The following CACNA2D4 variants were observed in gnomAD, a reference collection of about 807,000 sequenced individuals.
CACNA2D4 encodes the protein calcium voltage-gated channel auxiliary subunit alpha2delta 4.
CACNA2D4 carries 157 observed loss-of-function variants against 163.8 expected under a neutral mutation model. That is an observed-to-expected ratio of 0.96 (90% CI 0.84 to 1.09). CACNA2D4 has a LOEUF of 1.09. Ranked by LOEUF, CACNA2D4 falls within the 50% of genes least tolerant of loss-of-function variation. The probability of loss-of-function intolerance (pLI) is 0.00; values close to 1 mark genes in which losing one functional copy is unlikely to be tolerated. For synonymous variants in CACNA2D4, 598 were observed against 586.9 expected (o/e 1.02, Z -0.27); for missense variants, 1,410 against 1,479.9 (o/e 0.95, Z 0.78).
chr12:1,887,055 G>A lies in CACNA2D4; in HGVS notation c.796C>T (p.Pro266Ser). Residue 266 changes from proline (P) to serine (S), a missense_variant, in exon 7 of 38, where the codon CCT (proline) becomes TCT (serine). Physicochemically the swap from Pro to Ser is moderately conservative, Grantham distance 74. Transcript: ENST00000382722. Reference protein sequence around the residue: ...FRIYPGIKWTPDENGVITFDC... With the variant: ...FRIYPGIKWTSDENGVITFDC... Reference sequence around the variant, plus strand: ...AAAGTAATGACTCCATTCTCATCAGGTGTCCATTTTATACCTGGGAGAATA... The same window carrying A: ...AAAGTAATGACTCCATTCTCATCAGATGTCCATTTTATACCTGGGAGAATA... 1 of 1,590,642 alleles carries A rather than the reference G, an allele frequency of 6.3e-7. No homozygotes were observed. Among genetic ancestry groups the A allele is most frequent in the Non-Finnish European group, 8.6e-7 (1 of 1,166,138 alleles).
At chr12:1,904,073 A>T (rs1353158572) in intron 6 of CACNA2D4, among the ~76,000 whole-genome samples, 1 of 152,116 alleles carries the variant, frequency 6.6e-6, no homozygotes, top group Non-Finnish European at 1.5e-5. Context: ...CATTTGCAAC[A>T]ACATGAATGG....
intron 18 of CACNA2D4, among the ~76,000 whole-genome samples, chr12:1,871,077 G>T (rs1303078738): frequency 6.6e-6 from 1 of 151,704 alleles, no homozygotes; most frequent in Non-Finnish European, 1.5e-5. Context: ...GTGTACGCAC[G>T]TGTTGCTGGT....
chr12:1,840,628 G>T, intron 26 of CACNA2D4, 111 bp downstream of exon 26: 1 of 803,762 alleles, frequency 1.2e-6, no homozygotes. Context: ...ACATTCCACC[G>T]GCAGGACTGT....
chr12:1,918,643 G>C lies in CACNA2D4; in HGVS notation c.-170C>G. 5.2e-6 allele frequency: 3 copies of C among 578,990 alleles called. No individual in the cohort carries two copies. The highest frequency in any genetic ancestry group is 4.4e-5 in the South Asian group (2 of 45,968). The allele number at this position is 578,990 out of a possible 1,614,324, so 35.9% of individuals were successfully genotyped here. A position where few individuals can be genotyped will look rare whatever the true frequency, so the allele number is the denominator to read the frequency against. On this transcript the variant is annotated 5_prime_UTR_variant, in exon 1 of 38. Transcript: ENST00000382722. ...CCCCACCTAGCAAGCAGGCCTCGGA[G>C]ACAGGGACTGGGGGAGAGGCTGTGG...
At chr12:1,816,918 C>T (rs113316351) in intron 26 of CACNA2D4, among the ~76,000 whole-genome samples, 5,745 of 152,288 alleles carry the variant, frequency 0.038, 358 homozygotes, top group African/African-American at 0.13. Context: ...TGCACACATA[C>T]GTACACACAC....
At chr12:1,872,404 C>T (rs1188183979) in intron 18 of CACNA2D4, among the ~76,000 whole-genome samples, 1 of 152,176 alleles carries the variant, frequency 6.6e-6, no homozygotes, top group Non-Finnish European at 1.5e-5. Flanking sequence ...GAAAACAACA[C>T]GGCAGGCGGT....
intron 22 of CACNA2D4, among the ~76,000 whole-genome samples, chr12:1,855,797 A>C (rs2154448350): frequency 6.6e-6 from 1 of 152,318 alleles, no homozygotes; most frequent in South Asian, 2.1e-4. Flanking sequence ...ACATGTTACC[A>C]CAGTTCCAAG....
intron 23 of CACNA2D4, among the ~76,000 whole-genome samples, chr12:1,852,109 T>C (rs2154448196): frequency 6.6e-6 from 1 of 152,340 alleles, no homozygotes; most frequent in African/African-American, 2.4e-5. Flanking sequence ...TCTCATTGGG[T>C]ATAGTAATTT....
chr12:1,912,131 G>A (rs1866840265), intron 3 of CACNA2D4, among the ~76,000 whole-genome samples: 2 of 152,206 alleles, frequency 1.3e-5, no homozygotes, highest in Admixed American at 6.5e-5. Context: ...GCCGCAGCTC[G>A]CCTGCCCTAT....
In CACNA2D4 at chr12:1,858,600, A is replaced by G. The variant is rs777094765; in HGVS notation, c.1985T>C (p.Leu662Pro). 6.2e-7 allele frequency: 1 copy of G among 1,613,310 alleles called. No individual in the cohort carries two copies. The highest frequency in any genetic ancestry group is 8.5e-7 in the Non-Finnish European group (1 of 1,179,552). The stretch of plus-strand genomic sequence containing the variant: ...ACCTTCTTCCACAGACGTGTTCCCC[A>G]GAAGGATGTATTCTCCGTGGCCCCG... The part of the protein sequence containing the change: ...LSRGHGEYIL[L>P]GNTSVEEGLH... Residue 662 changes from leucine to proline, a missense_variant, in exon 20 of 38, where the codon CTG (leucine) becomes CCG (proline). Transcript: ENST00000382722.
intron 23 of CACNA2D4, 84 bp from the exon 24 acceptor site, chr12:1,846,773 C>A (rs1349902837): frequency 9.0e-7 from 1 of 1,115,828 alleles, no homozygotes; most frequent in South Asian, 1.3e-5. Flanking sequence ...GGGGGCCTCT[C>A]CTTGCTCCTG....
At chr12:1,894,665 G>T (rs1866361563) in intron 6 of CACNA2D4, among the ~76,000 whole-genome samples, 1 of 152,070 alleles carries the variant, frequency 6.6e-6, no homozygotes, top group South Asian at 2.1e-4. Flanking sequence ...TGAAGAAAAA[G>T]CACTTAATAA....
At chr12:1,805,231 C>T (rs1171019945) in intron 29 of CACNA2D4, among the ~76,000 whole-genome samples, 1 of 152,156 alleles carries the variant, frequency 6.6e-6, no homozygotes, top group Non-Finnish European at 1.5e-5. Flanking sequence ...GGAGGAGGTC[C>T]TGTGAGCACC....
chr12:1,865,460 GGGGTCGGAA>G (rs1865629278), intron 18 of CACNA2D4, among the ~76,000 whole-genome samples: 1 of 152,244 alleles, frequency 6.6e-6, no homozygotes, highest in Admixed American at 6.5e-5. Flanking sequence ...TCGCGTGCCT[GGGGTCGGAA>G]GTGTTCTCTT....
intron 13 of CACNA2D4, among the ~76,000 whole-genome samples, chr12:1,882,532 G>C (rs1189804540): frequency 6.6e-6 from 1 of 151,266 alleles, no homozygotes; most frequent in South Asian, 2.1e-4. Context: ...TTTCTGTCCC[G>C]GGTGGGTGGG....
At chr12:1,795,267 C>G (rs376173591) in intron 37 of CACNA2D4, 32 bp downstream of exon 37, 2 of 1,601,502 alleles carry the variant, frequency 1.2e-6, no homozygotes, top group Non-Finnish European at 1.7e-6. Flanking sequence ...GGATGAAAAT[C>G]CAGCCCACCC....
At chr12:1,807,385 C>T (rs1863576485) in intron 29 of CACNA2D4, among the ~76,000 whole-genome samples, 1 of 151,622 alleles carries the variant, frequency 6.6e-6, no homozygotes, top group East Asian at 2.0e-4. Context: ...GAGCCAGCCG[C>T]ACCCAGATCC....
At chr12:1,865,073 C>G (rs1170802797) in intron 18 of CACNA2D4, among the ~76,000 whole-genome samples, 1 of 152,206 alleles carries the variant, frequency 6.6e-6, no homozygotes, top group Admixed American at 6.5e-5. Flanking sequence ...GGTTCAGCTG[C>G]AGTCCCGCGC....
intron 6 of CACNA2D4, among the ~76,000 whole-genome samples, chr12:1,888,728 G>C (rs1866210457): frequency 6.6e-6 from 1 of 152,210 alleles, no homozygotes; most frequent in African/African-American, 2.4e-5. Context: ...TTCTACTGAG[G>C]CTGGAATGAG....
Sources: allele counts gnomAD v4.1 joint callset (sites outside exome capture counted in the v4.1 genomes callset), GRCh38; gene constraint gnomAD v4.1.1; transcripts MANE v1.5; gene names NCBI Gene and HGNC (gene_info 2026-07-23, HGNC 2026-07-21).